Variants in ROBO2 observed in about 807,000 individuals in gnomAD.
The protein encoded by ROBO2 is roundabout homolog 2.
ROBO2 carries 53 observed loss-of-function variants against 160.8 expected under a neutral mutation model. The ratio of observed to expected loss-of-function variants is 0.33; its 90% confidence interval spans 0.26 to 0.41. The LOEUF (loss-of-function observed/expected upper bound fraction) is 0.41. Ranked by LOEUF, ROBO2 falls within the 10% of genes least tolerant of loss-of-function variation. The probability of loss-of-function intolerance (pLI) is 1.00; values close to 1 mark genes in which losing one functional copy is unlikely to be tolerated. For missense variants in ROBO2, 1,577 were observed against 1,722.4 expected (o/e 0.92, Z 1.49); for synonymous variants, 664 against 611.7 (o/e 1.09, Z -1.26).
chr3:77,018,256 G>T (rs1243931829), intron 2 of ROBO2, among the ~76,000 whole-genome samples: 1 of 151,800 alleles, frequency 6.6e-6, no homozygotes, highest in Non-Finnish European at 1.5e-5. Flanking sequence ...GCACACTTTT[G>T]TATTTTTTGG....
At chr3:76,268,616 C>G (rs1214690436) in intron 2 of ROBO2, among the ~76,000 whole-genome samples, 1 of 152,086 alleles carries the variant, frequency 6.6e-6, no homozygotes, top group Admixed American at 6.6e-5. Flanking sequence ...ATTAGGCTCC[C>G]ACCGTTAAGA....
At chr3:76,535,976 G>A (rs1054908922) in intron 2 of ROBO2, among the ~76,000 whole-genome samples, 1 of 152,156 alleles carries the variant, frequency 6.6e-6, no homozygotes, top group Non-Finnish European at 1.5e-5. Flanking sequence ...GAGCTCCAGG[G>A]GCCCTAGAAG....
intron 2 of ROBO2, among the ~76,000 whole-genome samples, chr3:76,018,548 T>G (rs541162930): frequency 2.0e-5 from 3 of 152,030 alleles, no homozygotes; most frequent in Admixed American, 1.3e-4. Flanking sequence ...TTTTCAGACT[T>G]TATTGCTTTT....
chr3:76,159,096 C>T (rs2072520272), intron 2 of ROBO2, among the ~76,000 whole-genome samples: 1 of 152,094 alleles, frequency 6.6e-6, no homozygotes, highest in African/African-American at 2.4e-5. Context: ...GAAAATGTCC[C>T]TCCTAGCTTG....
At chr3:76,046,872 C>T (rs952999871) in intron 2 of ROBO2, among the ~76,000 whole-genome samples, 1 of 150,510 alleles carries the variant, frequency 6.6e-6, no homozygotes, top group African/African-American at 2.5e-5. Flanking sequence ...AATTGGAAAA[C>T]TCAAAGTCAA....
At chr3:76,560,980 CTGTG>C (rs1203667960) in intron 2 of ROBO2, among the ~76,000 whole-genome samples, 2 of 136,272 alleles carry the variant, frequency 1.5e-5, no homozygotes, top group African/African-American at 2.8e-5. Context: ...ATGAGTATAT[CTGTG>C]TGTGTGTGTA....
intron 2 of ROBO2, among the ~76,000 whole-genome samples, chr3:75,960,053 C>T (rs1948855492): frequency 1.3e-5 from 2 of 151,522 alleles, no homozygotes; most frequent in South Asian, 4.2e-4. Flanking sequence ...GATGCGAGCA[C>T]CCTCAAATCT....
chr3:77,497,999 A>T (rs987091286), intron 5 of ROBO2, among the ~76,000 whole-genome samples: 25 of 152,128 alleles, frequency 1.6e-4, no homozygotes, highest in Non-Finnish European at 3.5e-4. Context: ...TTTAAAAAAA[A>T]TCCCTCTCAG....
chr3:77,204,395 T>C (rs2083214833), intron 2 of ROBO2, among the ~76,000 whole-genome samples: 1 of 152,240 alleles, frequency 6.6e-6, no homozygotes, highest in African/African-American at 2.4e-5. Context: ...TATTTGATGC[T>C]TAATTGATAG....
intron 2 of ROBO2, among the ~76,000 whole-genome samples, chr3:76,382,364 G>A (rs939683933): frequency 3.9e-5 from 6 of 152,126 alleles, no homozygotes; most frequent in East Asian, 1.9e-4. Flanking sequence ...CGAGGCAGGC[G>A]GATCACAAGG....
At chr3:77,454,187 T>G (rs1335622386) in intron 2 of ROBO2, among the ~76,000 whole-genome samples, 1 of 152,122 alleles carries the variant, frequency 6.6e-6, no homozygotes, top group Non-Finnish European at 1.5e-5. Flanking sequence ...CTCTTCTTTT[T>G]AAATCTTGTC....
chr3:76,966,826 G>C (rs1296064682), intron 2 of ROBO2, among the ~76,000 whole-genome samples: 1 of 152,186 alleles, frequency 6.6e-6, no homozygotes, highest in Admixed American at 6.5e-5. Context: ...TATTCGGTGT[G>C]TTTACAATAG....
chr3:77,632,416 A>G (rs1486277596), intron 23 of ROBO2: 1 of 1,321,118 alleles, frequency 7.6e-7, no homozygotes, highest in East Asian at 2.5e-5. Flanking sequence ...TATAGTGTGT[A>G]CAAGCAGATG....
At chr3:77,343,746 C>A (rs2067322656) in intron 2 of ROBO2, among the ~76,000 whole-genome samples, 2 of 152,266 alleles carry the variant, frequency 1.3e-5, no homozygotes, top group East Asian at 1.9e-4. Context: ...AGCATCTGAT[C>A]ATGAGATTGA....
chr3:77,527,350 C>T, intron 6 of ROBO2, 53 bp from the exon 7 acceptor site: 1 of 1,268,350 alleles, frequency 7.9e-7, no homozygotes, highest in South Asian at 1.3e-5. Flanking sequence ...ATTTTTCTTT[C>T]TTTTTTTTAA....
At chr3:76,230,082 A>G (rs924323101) in intron 2 of ROBO2, among the ~76,000 whole-genome samples, 2 of 152,108 alleles carry the variant, frequency 1.3e-5, no homozygotes, top group Admixed American at 6.6e-5. Context: ...GAGCAAAAAA[A>G]TGATGCCATC....
intron 2 of ROBO2, among the ~76,000 whole-genome samples, chr3:76,691,120 G>C (rs1193379295): frequency 6.6e-6 from 1 of 152,084 alleles, no homozygotes; most frequent in African/African-American, 2.4e-5. Flanking sequence ...TAGATCATGA[G>C]GGGTCTGCCC....
At chr3:75,910,165 C>T (rs1414344548) in intron 1 of ROBO2, among the ~76,000 whole-genome samples, 2 of 152,174 alleles carry the variant, frequency 1.3e-5, no homozygotes, top group Non-Finnish European at 2.9e-5. Context: ...TAACCCTGTA[C>T]ACAGGCTGAG....
intron 23 of ROBO2, among the ~76,000 whole-genome samples, chr3:77,627,336 G>A (rs1358514253): frequency 2.6e-5 from 4 of 151,968 alleles, no homozygotes. Context: ...TTGGTGTGCA[G>A]TGGCACTATC....
Sources: gnomAD v4.1 joint callset for allele counts (sites outside exome capture counted in the v4.1 genomes callset) on GRCh38, gnomAD v4.1.1 for gene constraint, MANE v1.5 for transcripts, NCBI Gene and HGNC (gene_info 2026-07-23, HGNC 2026-07-21) for gene names.